The following ARFGAP1 variants were observed in gnomAD, a reference collection of about 807,000 sequenced individuals.
ARFGAP1 encodes ADP-ribosylation factor GTPase-activating protein 1.
In ARFGAP1, 26 loss-of-function variants were observed where a neutral mutation model predicts 54.0. The ratio of observed to expected loss-of-function variants is 0.48; its 90% CI spans 0.35 to 0.67. The LOEUF (loss-of-function observed/expected upper bound fraction) is 0.67. Ranked by LOEUF, ARFGAP1 falls within the 30% of genes least tolerant of loss-of-function variation. The probability of loss-of-function intolerance (pLI) is 0.00; values close to 1 mark genes in which losing one functional copy is unlikely to be tolerated. For missense variants in ARFGAP1, 525 were observed against 535.8 expected, an observed-to-expected ratio of 0.98 and a Z score of 0.20; for synonymous variants, 248 against 211.9, an observed-to-expected ratio of 1.17 and a Z score of -1.48.
chr20:63,276,218 C>T lies in ARFGAP1; in HGVS notation c.170+18C>T, dbSNP rs377437161. On this transcript the variant is annotated intron_variant, in intron 3 of 12. Coordinates refer to ENST00000370283, the MANE Select transcript of ARFGAP1 (RefSeq NM_018209.4). This position sits in a 1 kb window ranked among gnomAD's most constrained non-coding sequence, Gnocchi z 5.2. ...CACCTCAGGTCAGTGTCCTGCCGCTCTGGCTCTGCGGAGAGCCTGCGGCCA... is the reference window on the plus strand; with the variant it reads ...CACCTCAGGTCAGTGTCCTGCCGCTTTGGCTCTGCGGAGAGCCTGCGGCCA... 6.2e-7 allele frequency: 1 copy of T among 1,612,332 alleles called. No homozygotes were observed. Among genetic ancestry groups the T allele is most frequent in the Non-Finnish European group, 8.5e-7 (1 of 1,178,950 alleles).
rs1411458465 is a variant in ARFGAP1, at chr20:63,287,823, G to C, written c.1171G>C (p.Val391Leu). The change falls in exon 13 of 13, where the codon GTG (valine) becomes CTG (leucine). Residue 391 changes from valine to leucine, a missense_variant. Val to Leu is a conservative substitution (Grantham distance 32). Around this residue, in one of 3 missense-constraint regions of ARFGAP1, gnomAD observed 466 missense variants for 453.6 expected, o/e 1.03. Coordinates refer to ENST00000370283, the MANE Select transcript of ARFGAP1 (RefSeq NM_018209.4). ...GEGGEGTKKAVPPAVPTDDGW... is the reference protein window; with the variant it reads ...GEGGEGTKKALPPAVPTDDGW... The stretch of plus-strand genomic sequence containing the variant: ...GGGCGGGGAGGGCACCAAGAAGGCA[G>C]TGCCGCCGGCCGTGCCCACTGATGA... The C allele has an allele frequency of 6.3e-7, 1 of 1,584,632 alleles. No homozygotes were observed. The highest frequency in any genetic ancestry group is 2.3e-5 in the East Asian group (1 of 43,764).
In ARFGAP1 at chr20:63,276,860, C is replaced by T; in HGVS notation, c.342+209C>T. 3 of 576,326 alleles carry T rather than the reference C, an allele frequency of 5.2e-6. No homozygotes were observed. The highest frequency in any genetic ancestry group is 6.0e-6 in the Non-Finnish European group (2 of 331,440). 35.7% of individuals were successfully genotyped at this position (576,326 alleles called of 1,614,324 possible). A position where few individuals can be genotyped will look rare whatever the true frequency, so the allele number is the denominator to read the frequency against. ...CTTGCGGGGGGAGACAGACCTTCCCCGCCTCCAGGGGAGAAAGCAGCTGTG... is the reference window on the plus strand; with the variant it reads ...CTTGCGGGGGGAGACAGACCTTCCCTGCCTCCAGGGGAGAAAGCAGCTGTG... On this transcript the variant is annotated intron_variant, in intron 4 of 12. Transcript: ENST00000370283. This position sits in a 1 kb window ranked among gnomAD's most constrained non-coding sequence, Gnocchi z 5.2.
Position 63,276,075 on chromosome 20 carries a change from TG to T in ARFGAP1, c.61-15del. Reference sequence around the variant, plus strand: ...GCCCTGAGCCACCTGGTGAGTCACTTGTGGCCCCTTTGCAGGTTTGTTTTGA... The same window carrying T: ...GCCCTGAGCCACCTGGTGAGTCACTTTGGCCCCTTTGCAGGTTTGTTTTGA... On this transcript the variant is annotated splice_polypyrimidine_tract_variant and intron_variant, in intron 2 of 12. Coordinates refer to ENST00000370283, the MANE Select transcript of ARFGAP1 (RefSeq NM_018209.4). This position sits in a 1 kb window ranked among gnomAD's most constrained non-coding sequence, Gnocchi z 5.2. 1.2e-6 allele frequency: 2 copies of T among 1,611,714 alleles called. No homozygotes were observed. Among genetic ancestry groups the T allele is most frequent in the Non-Finnish European group, 1.7e-6 (2 of 1,178,122 alleles).
At position 63,276,051 on chromosome 20, in the gene ARFGAP1, C is replaced by A. The variant is rs753829931; in HGVS notation, c.61-40C>A. ...GGGTCTTTGGGGTCCCTGGGCTCTG[C>A]CCTGAGCCACCTGGTGAGTCACTTG... is the stretch of plus-strand genomic sequence containing the variant. On this transcript the variant is annotated intron_variant, in intron 2 of 12. Coordinates refer to ENST00000370283, the MANE Select transcript of ARFGAP1 (RefSeq NM_018209.4). This position sits in a 1 kb window ranked among gnomAD's most constrained non-coding sequence, Gnocchi z 5.2. The A allele has an allele frequency of 6.3e-7, 1 of 1,585,006 alleles. No individual in the cohort carries two copies. The highest frequency in any genetic ancestry group is 1.3e-5 in the African/African-American group (1 of 74,502).
chr20:63,278,781 G>C, intron 6 of ARFGAP1, 118 bp from the exon 7 acceptor site: 1 of 797,392 alleles, frequency 1.3e-6, no homozygotes. Flanking sequence ...TGTCCTGTGC[G>C]TGGGGACGTT....
chr20:63,281,253 C>T, intron 7 of ARFGAP1, 38 bp from the exon 8 acceptor site: 2 of 1,574,838 alleles, frequency 1.3e-6, no homozygotes, highest in Non-Finnish European at 1.7e-6. Context: ...TTCCTGGGTC[C>T]CAGTCCTGAT....
chr20:63,287,603 C>CCA lies in ARFGAP1; in HGVS notation c.953_954dup (p.Phe319ThrfsTer7). 1.9e-6 allele frequency: 3 copies of CCA among 1,610,256 alleles called. No homozygotes were observed. ...ACAGTTATCAGAACAGCGGTCTGGA[C>CCA]CACTTCCAAAACAGCAACATAGACC... is the stretch of plus-strand genomic sequence containing the variant. On this transcript the variant is annotated frameshift_variant, in exon 13 of 13. Coordinates refer to ENST00000370283, the MANE Select transcript of ARFGAP1 (RefSeq NM_018209.4). LOFTEE classifies it low-confidence loss of function (END_TRUNC).
At chr20:63,286,072 C>T (rs779126983) in intron 11 of ARFGAP1, 200 of 1,549,738 alleles carry the variant, frequency 1.3e-4, no homozygotes, top group Middle Eastern at 1.7e-4. Flanking sequence ...AGGCGCTCTG[C>T]GGACAGACGG....
At chr20:63,273,542 T>G (rs2067156769) in intron 1 of ARFGAP1, 1 of 152,060 alleles carries the variant, frequency 6.6e-6, no homozygotes, top group African/African-American at 2.4e-5. Context: ...TGTTACTAAC[T>G]TTAACATTTC....
intron 1 of ARFGAP1, among the ~76,000 whole-genome samples, chr20:63,274,470 G>A (rs1232230750): frequency 6.6e-6 from 1 of 152,142 alleles, no homozygotes; most frequent in African/African-American, 2.4e-5. Flanking sequence ...ACACAGTGAA[G>A]GAGGGAAGGG....
At chr20:63,286,570 A>G in intron 12 of ARFGAP1, 128 bp downstream of exon 12, 2 of 908,354 alleles carry the variant, frequency 2.2e-6, no homozygotes, top group Non-Finnish European at 3.3e-6. Flanking sequence ...GCTCTCCGGG[A>G]GGTGGCTGGC....
chr20:63,282,582 C>T (rs749685392), intron 8 of ARFGAP1, among the ~76,000 whole-genome samples: 14 of 152,200 alleles, frequency 9.2e-5, no homozygotes, highest in Non-Finnish European at 1.6e-4. Flanking sequence ...TCACGTGTGC[C>T]CTCACCCCAA....
chr20:63,279,199 C>CTTTT, intron 7 of ARFGAP1: 8 of 557,446 alleles, frequency 1.4e-5, no homozygotes, highest in South Asian at 1.7e-5. Context: ...CAATCACTTC[C>CTTTT]TTTTTTTTTT....
intron 9 of ARFGAP1, 190 bp downstream of exon 9, chr20:63,283,041 AC>A: frequency 1.6e-6 from 1 of 639,872 alleles, no homozygotes; most frequent in Non-Finnish European, 2.7e-6. Context: ...TGCCTCATGG[AC>A]CCACTCAGGG....
At chr20:63,284,258 A>G (rs891366931) in intron 9 of ARFGAP1, 3 of 1,154,358 alleles carry the variant, frequency 2.6e-6, no homozygotes, top group Admixed American at 8.8e-5. Context: ...AACGCAGTGC[A>G]AAGGGGAGGA....
In ARFGAP1 at chr20:63,276,843, G is replaced by A; in HGVS notation, c.342+192G>A. On this transcript the variant is annotated intron_variant, in intron 4 of 12. Transcript: ENST00000370283. The surrounding 1 kb of genome is among the most constrained non-coding windows in gnomAD (Gnocchi z 5.2). ...AGAGGGGAGGCAAATGGCTTGCGGG[G>A]GGAGACAGACCTTCCCCGCCTCCAG... The A allele has an allele frequency of 1.6e-6, 1 of 623,122 alleles. No homozygotes were observed. The highest frequency in any genetic ancestry group is 3.2e-5 in the Admixed American group (1 of 31,568). The allele number at this position is 623,122 out of a possible 1,614,324, so 38.6% of individuals were successfully genotyped here.
At chr20:63,277,379 A>T in intron 5 of ARFGAP1, 74 bp downstream of exon 5, 1 of 1,290,420 alleles carries the variant, frequency 7.7e-7, no homozygotes, top group Non-Finnish European at 1.0e-6. Context: ...TTCCCACAGA[A>T]TTCTCCCCTT....
At chr20:63,287,101 C>T (rs2067576735) in intron 12 of ARFGAP1, among the ~76,000 whole-genome samples, 2 of 152,272 alleles carry the variant, frequency 1.3e-5, no homozygotes, top group South Asian at 2.1e-4. Flanking sequence ...ATTTTCCCTG[C>T]AGACGCCATG....
intron 7 of ARFGAP1, among the ~76,000 whole-genome samples, chr20:63,279,945 C>T (rs2067335082): frequency 1.3e-5 from 2 of 152,150 alleles, no homozygotes; most frequent in Admixed American, 6.5e-5. Context: ...TCGAGACCAG[C>T]CTGGCCAATG....
Sources: gnomAD v4.1 joint callset for allele counts (sites outside exome capture counted in the v4.1 genomes callset) on GRCh38, gnomAD v4.1.1 for gene constraint, gnomAD v4.1.1 regional missense constraint, Gnocchi (gnomAD v3.1) non-coding constraint, MANE v1.5 for transcripts, NCBI Gene and HGNC (gene_info 2026-07-23, HGNC 2026-07-21) for gene names.